The following FOXN3 variants were observed in gnomAD, a reference collection of about 807,000 sequenced individuals.
FOXN3 encodes forkhead box protein N3.
A neutral mutation model predicts 38.4 loss-of-function variants in FOXN3; 7 were observed. The observed-to-expected ratio is 0.18, with a 90% CI of 0.10 to 0.34. The LOEUF (loss-of-function observed/expected upper bound fraction) is 0.34, where lower values mean the gene tolerates loss of function less well. Among genes scored for constraint, FOXN3 ranks in the 10% least tolerant of loss-of-function variants. The pLI is 1.00. For synonymous variants in FOXN3, 230 were observed against 242.2 expected, an observed-to-expected ratio of 0.95 and a Z score of 0.47; for missense variants, 456 against 613.4, an observed-to-expected ratio of 0.74 and a Z score of 2.71.
intron 1 of FOXN3, among the ~76,000 whole-genome samples, chr14:89,540,525 G>A (rs2139847609): frequency 1.3e-5 from 2 of 152,248 alleles, no homozygotes; most frequent in Middle Eastern, 6.8e-3. Context: ...GCGAGGTCAG[G>A]AGTTCAAGAC....
At chr14:89,463,786 T>C (rs10150056) in intron 1 of FOXN3, among the ~76,000 whole-genome samples, 43 of 30,212 alleles carry the variant, frequency 1.4e-3, no homozygotes, top group Admixed American at 1.6e-3. Context: ...CTCTCTCTCT[T>C]TTTTTTTTTT....
rs923579331 is a variant in FOXN3 at position 89,354,721 on chromosome 14, G to C, written c.544-3913C>G. Among the ~76,000 whole-genome samples, 3 of 151,508 alleles carry C rather than the reference G, an allele frequency of 2.0e-5. No homozygotes were observed. The East Asian group carries it at 5.9e-4, about 30-fold the overall frequency. On this transcript the variant is annotated intron_variant, in intron 2 of 5. Coordinates refer to ENST00000557258, the MANE Select transcript of FOXN3 (RefSeq NM_005197.4). The stretch of plus-strand genomic sequence containing the variant: ...AATACCATAATTAGCTGGGTTTTGT[G>C]GTGGGTGCCTGTAATCCCAGCTACT...
At chr14:89,245,321 T>A (rs890847185) in intron 4 of FOXN3, among the ~76,000 whole-genome samples, 1 of 152,188 alleles carries the variant, frequency 6.6e-6, no homozygotes, top group Non-Finnish European at 1.5e-5. Flanking sequence ...AGTGGATCAT[T>A]CTCACCTTTA....
intron 1 of FOXN3, chr14:89,486,477 T>G (rs1353072067): frequency 6.6e-6 from 1 of 152,154 alleles, no homozygotes; most frequent in African/African-American, 2.4e-5. Flanking sequence ...AATAATCAAT[T>G]TGGCATTTGC....
At chr14:89,561,504 G>A (rs1895248281) in intron 1 of FOXN3, among the ~76,000 whole-genome samples, 2 of 152,226 alleles carry the variant, frequency 1.3e-5, no homozygotes, top group Admixed American at 6.5e-5. Flanking sequence ...GAGCCACCAC[G>A]CTTGACGGGT....
At chr14:89,360,294 G>A (rs376878013) in intron 2 of FOXN3, among the ~76,000 whole-genome samples, 4 of 149,708 alleles carry the variant, frequency 2.7e-5, no homozygotes, top group African/African-American at 9.8e-5. Flanking sequence ...GAGGAAGAGA[G>A]AGGGATGGAG....
At chr14:89,269,676 T>C (rs1487379838) in intron 4 of FOXN3, among the ~76,000 whole-genome samples, 1 of 152,112 alleles carries the variant, frequency 6.6e-6, no homozygotes, top group Non-Finnish European at 1.5e-5. Context: ...CAACTGGGCC[T>C]GAGCAAGTGC....
chr14:89,325,091 C>T (rs950619646), intron 3 of FOXN3, among the ~76,000 whole-genome samples: 8 of 152,132 alleles, frequency 5.3e-5, no homozygotes, highest in Non-Finnish European at 8.8e-5. Flanking sequence ...CTCAACAAGC[C>T]ACATGTGGCT....
intron 1 of FOXN3, among the ~76,000 whole-genome samples, chr14:89,543,135 A>G (rs1363919900): frequency 1.3e-5 from 2 of 152,210 alleles, no homozygotes; most frequent in Non-Finnish European, 2.9e-5. Flanking sequence ...AGCAGCTTCA[A>G]CCACCAAATA....
chr14:89,422,843 T>C (rs191996022), intron 1 of FOXN3, among the ~76,000 whole-genome samples: 2 of 152,246 alleles, frequency 1.3e-5, no homozygotes, highest in Admixed American at 1.3e-4. Flanking sequence ...GCAGGGTGTG[T>C]AGTAAGGGAA....
intron 1 of FOXN3, among the ~76,000 whole-genome samples, chr14:89,554,113 T>A (rs1279965546): frequency 4.6e-5 from 7 of 152,132 alleles, no homozygotes; most frequent in Non-Finnish European, 1.0e-4. Flanking sequence ...GCGATTCTCC[T>A]GCCTCAGCCT....
chr14:89,329,199 T>A (rs983995195), intron 3 of FOXN3, among the ~76,000 whole-genome samples: 1 of 152,198 alleles, frequency 6.6e-6, no homozygotes, highest in Non-Finnish European at 1.5e-5. Context: ...GGTAACAGAT[T>A]CATTCTGACA....
At chr14:89,350,521 GATA>G in intron 3 of FOXN3, 148 bp downstream of exon 3, 1 of 626,074 alleles carries the variant, frequency 1.6e-6, no homozygotes, top group Admixed American at 3.8e-5. Flanking sequence ...TACAACAGTG[GATA>G]TGCCTCCTAA....
chr14:89,235,582 A>T (rs1329949477), intron 4 of FOXN3, among the ~76,000 whole-genome samples: 3 of 152,224 alleles, frequency 2.0e-5, no homozygotes, highest in Non-Finnish European at 4.4e-5. Flanking sequence ...GATCTCCAGC[A>T]CATGTGACTA....
chr14:89,461,896 C>T (rs891532350), intron 1 of FOXN3, among the ~76,000 whole-genome samples: 1 of 152,210 alleles, frequency 6.6e-6, no homozygotes, highest in African/African-American at 2.4e-5. Flanking sequence ...TCTTAGGGAT[C>T]CCATATCCTA....
chr14:89,438,196 C>T (rs932156733), intron 1 of FOXN3, among the ~76,000 whole-genome samples: 13 of 152,212 alleles, frequency 8.5e-5, no homozygotes, highest in African/African-American at 3.1e-4. Flanking sequence ...GACCATGAAA[C>T]ACTGAAGCTG....
chr14:89,372,073 C>T (rs919485796), intron 2 of FOXN3, among the ~76,000 whole-genome samples: 4 of 151,936 alleles, frequency 2.6e-5, no homozygotes, highest in Non-Finnish European at 5.9e-5. Flanking sequence ...TCTGCCAGGA[C>T]CGTGACTGAC....
intron 3 of FOXN3, among the ~76,000 whole-genome samples, chr14:89,282,953 C>T (rs1384145854): frequency 6.6e-6 from 1 of 152,234 alleles, no homozygotes; most frequent in Non-Finnish European, 1.5e-5. Context: ...CTGATCACCA[C>T]TGTTCTATGG....
chr14:89,548,335 T>C lies in FOXN3; in HGVS notation c.-15+70693A>G, dbSNP rs879638791. On this transcript the variant is annotated intron_variant, in intron 1 of 6. Coordinates refer to the FOXN3 transcript ENST00000345097. The surrounding 1 kb of genome is among the most constrained non-coding windows in gnomAD (Gnocchi z 4.8). ...ATTTATGTTTGTCAGAATATATGCA[T>C]GTATGCGGCTAGGCTACATATACGG... is the stretch of plus-strand genomic sequence containing the variant. 7.2e-5 allele frequency among the ~76,000 whole-genome samples: 11 copies of C among 152,218 alleles called. No homozygotes were observed. Among genetic ancestry groups the C allele is most frequent in the Non-Finnish European group, 1.6e-4 (11 of 68,044 alleles).
Sources: allele counts gnomAD v4.1 joint callset (sites outside exome capture counted in the v4.1 genomes callset), GRCh38; gene constraint gnomAD v4.1.1; non-coding constraint Gnocchi (gnomAD v3.1); transcripts MANE v1.5; gene names NCBI Gene and HGNC (gene_info 2026-07-23, HGNC 2026-07-21).